The following CCL26 variants were observed in gnomAD, a reference collection of about 807,000 sequenced individuals.
The protein encoded by CCL26 is C-C motif chemokine ligand 26.
CCL26 carries 10 observed loss-of-function variants against 10.7 expected under a neutral mutation model. The observed-to-expected ratio is 0.93, with a 90% CI of 0.57 to 1.58. The LOEUF is 1.58. Among genes scored for constraint, CCL26 ranks in the 40% most tolerant of loss-of-function variants. The pLI, the probability that CCL26 is intolerant of heterozygous loss-of-function variation, is 0.00. For synonymous variants in CCL26, 43 were observed against 41.4 expected (o/e 1.04, Z -0.15); for missense variants, 116 against 111.0 (o/e 1.05, Z -0.20).
At chr7:75,774,449 G>C (rs1445408093), upstream of CCL26, among the ~76,000 whole-genome samples, 1 of 150,462 alleles carries the variant, frequency 6.6e-6, no homozygotes, top group South Asian at 2.1e-4. Flanking sequence ...ATGCCCAGCT[G>C]TTTGTTTGTT....
rs1554528212 is a variant in CCL26 at position 75,772,159 on chromosome 7, C to A, written c.18G>T (p.Leu6Phe). 2 of 1,552,476 alleles carry A rather than the reference C, an allele frequency of 1.3e-6. No individual in the cohort carries two copies. The highest frequency in any genetic ancestry group is 2.0e-5 in the Admixed American group (1 of 51,104). Residue 6 changes from leucine to phenylalanine, a missense_variant, in exon 1 of 3, where the codon TTG becomes TTT. Coordinates refer to ENST00000005180, the MANE Select transcript of CCL26 (RefSeq NM_001371938.1). MMGLS[L>F]ASAVLLASLL... ...GGGAGGCCAGGAGCACAGCAGAGGC[C>A]AAGGAGAGGCCCATCATGATGCTGC...
intron 1 of CCL26, among the ~76,000 whole-genome samples, chr7:75,777,224 C>A (rs183077160): frequency 1.3e-5 from 2 of 152,146 alleles, no homozygotes; most frequent in East Asian, 3.9e-4. Context: ...AAGAGTGAAA[C>A]TCCATCTTAA....
At chr7:75,783,261 T>C (rs900606860) in intron 1 of CCL26, among the ~76,000 whole-genome samples, 5 of 152,172 alleles carry the variant, frequency 3.3e-5, no homozygotes, top group Non-Finnish European at 7.3e-5. Context: ...TTAAATGTCA[T>C]CCTAACTTCT....
intron 1 of CCL26, among the ~76,000 whole-genome samples, chr7:75,778,242 G>A (rs1446646534): frequency 2.6e-5 from 4 of 151,692 alleles, no homozygotes; most frequent in Non-Finnish European, 5.9e-5. Context: ...TTCTAATTGA[G>A]ACATGGTCTC....
intron 2 of CCL26, among the ~76,000 whole-genome samples, chr7:75,771,113 C>A (rs539893979): frequency 4.7e-5 from 7 of 148,918 alleles, no homozygotes; most frequent in African/African-American, 1.2e-4. Flanking sequence ...GGGATGAAGT[C>A]TCTCTGTGTT....
chr7:75,789,461 CT>C (rs35341116), intron 1 of CCL26, among the ~76,000 whole-genome samples: 90,970 of 122,880 alleles, frequency 0.74, 32,892 homozygotes, highest in African/African-American at 0.77. Flanking sequence ...CTCTTTTTCT[CT>C]TTTTTTTTTT....
At chr7:75,785,610 G>C (rs10255951) in intron 1 of CCL26, among the ~76,000 whole-genome samples, 114,204 of 152,074 alleles carry the variant, frequency 0.75, 43,013 homozygotes, top group South Asian at 0.82. Flanking sequence ...TTAACAACAA[G>C]TCCTTTCCTT....
chr7:75,776,324 G>A (rs1032813647), upstream of CCL26, among the ~76,000 whole-genome samples: 7 of 151,438 alleles, frequency 4.6e-5, no homozygotes, highest in South Asian at 2.1e-4. Flanking sequence ...CACCTGCCTC[G>A]GTCTCCCAAG....
At chr7:75,780,263 T>A (rs1462191462) in intron 1 of CCL26, among the ~76,000 whole-genome samples, 1 of 151,374 alleles carries the variant, frequency 6.6e-6, no homozygotes, top group Non-Finnish European at 1.5e-5. Flanking sequence ...TCTCCGTGTC[T>A]CTACCCTATC....
At chr7:75,791,502 G>A (rs933130857), upstream of CCL26, among the ~76,000 whole-genome samples, 5 of 152,000 alleles carry the variant, frequency 3.3e-5, no homozygotes, top group Non-Finnish European at 7.4e-5. Context: ...AGATTCCTCT[G>A]TGTGGATCTC....
At chr7:75,777,211 A>G (rs10236735), upstream of CCL26, among the ~76,000 whole-genome samples, 43,178 of 151,964 alleles carry the variant, frequency 0.28, 6,608 homozygotes, top group African/African-American at 0.39. Flanking sequence ...CAGCCTGCGC[A>G]GCAAGAGTGA....
chr7:75,774,142 G>GTTTGTT (rs1269421180), upstream of CCL26, among the ~76,000 whole-genome samples: 2 of 152,044 alleles, frequency 1.3e-5, no homozygotes, highest in South Asian at 2.1e-4. Flanking sequence ...TGAGAGGGTG[G>GTTTGTT]TTTGTTTTTG....
chr7:75,776,957 G>A (rs10277916), upstream of CCL26, among the ~76,000 whole-genome samples: 43,293 of 151,920 alleles, frequency 0.28, 6,624 homozygotes, highest in African/African-American at 0.39. Flanking sequence ...ATGGCCAGGC[G>A]CGGTGGCTCA....
At chr7:75,774,735 C>T (rs1345945814), upstream of CCL26, among the ~76,000 whole-genome samples, 9 of 146,776 alleles carry the variant, frequency 6.1e-5, no homozygotes, top group Admixed American at 4.1e-4. Flanking sequence ...TGTGAGCCAC[C>T]CCACCCGGCC....
At chr7:75,782,589 C>G (rs905403224) in intron 1 of CCL26, among the ~76,000 whole-genome samples, 2 of 152,166 alleles carry the variant, frequency 1.3e-5, no homozygotes, top group African/African-American at 4.8e-5. Flanking sequence ...CTCTTCAACT[C>G]TCACCTGACC....
intron 1 of CCL26, 44 bp downstream of exon 1, chr7:75,772,060 G>A (rs782818708): frequency 1.1e-5 from 18 of 1,601,018 alleles, no homozygotes; most frequent in Admixed American, 5.0e-5. Context: ...ACTCCCAGGC[G>A]GTCCGGGAAG....
intron 2 of CCL26, among the ~76,000 whole-genome samples, chr7:75,770,019 G>A (rs575335016): frequency 4.2e-4 from 64 of 150,996 alleles, no homozygotes; most frequent in African/African-American, 1.4e-3. Context: ...ACCATTTACC[G>A]TTTTCCACCA....
At chr7:75,776,378 T>A (rs1180259971), upstream of CCL26, among the ~76,000 whole-genome samples, 4 of 151,424 alleles carry the variant, frequency 2.6e-5, no homozygotes, top group South Asian at 2.1e-4. Context: ...GCCAAAAAAA[T>A]TTTTTAATTA....
chr7:75,784,659 C>T (rs1172000636), intron 1 of CCL26, among the ~76,000 whole-genome samples: 1 of 152,110 alleles, frequency 6.6e-6, no homozygotes, highest in African/African-American at 2.4e-5. Flanking sequence ...TTTTAGTTAT[C>T]CCCACCTGCC....
Sources: allele counts gnomAD v4.1 joint callset (sites outside exome capture counted in the v4.1 genomes callset), GRCh38; gene constraint gnomAD v4.1.1; transcripts MANE v1.5; gene names NCBI Gene and HGNC (gene_info 2026-07-23, HGNC 2026-07-21).